The following BMP1 variants were observed in gnomAD, a reference collection of about 807,000 sequenced individuals.
The protein encoded by BMP1 is bone morphogenetic protein 1, also known as mammalian tolloid protein.
A neutral mutation model predicts 116.8 loss-of-function variants in BMP1; 63 were observed. The ratio of observed to expected loss-of-function variants is 0.54; its 90% confidence interval spans 0.44 to 0.67. The LOEUF is 0.67. Ranked by LOEUF, BMP1 falls within the 30% of genes least tolerant of loss-of-function variation. The pLI is 0.00. For synonymous variants in BMP1, 536 were observed against 533.4 expected (o/e 1.00, Z -0.07); for missense variants, 1,183 against 1,358.9 (o/e 0.87, Z 2.04).
chr8:22,168,150 T>C (rs1828170867), intron 1 of BMP1, among the ~76,000 whole-genome samples: 1 of 152,136 alleles, frequency 6.6e-6, no homozygotes, highest in African/African-American at 2.4e-5. Flanking sequence ...ATTAATATCC[T>C]TGATACCCTG....
Position 22,206,888 on chromosome 8 carries a change from T to A in BMP1, c.2268T>A (p.Gly756=), listed in dbSNP as rs1308154497. The A allele has an allele frequency of 1.2e-6, 2 of 1,614,066 alleles. No individual in the cohort carries two copies. Among genetic ancestry groups the A allele is most frequent in the South Asian group, 2.2e-5 (2 of 91,076 alleles). ...ACCACAAGGTGACATCCACCAGTGGTACCATCACCAGCCCCAACTGGCCTG... is the reference window on the plus strand; with the variant it reads ...ACCACAAGGTGACATCCACCAGTGGAACCATCACCAGCCCCAACTGGCCTG... ...GCDHKVTSTS[G]TITSPNWPDK... Residue 756 remains glycine (G), a synonymous_variant, in exon 17 of 20, where the codon GGT becomes GGA. Coordinates refer to ENST00000306385, the MANE Select transcript of BMP1 (RefSeq NM_006129.5).
intron 19 of BMP1, among the ~76,000 whole-genome samples, chr8:22,211,308 G>A (rs1435401099): frequency 6.6e-6 from 1 of 152,244 alleles, no homozygotes; most frequent in Non-Finnish European, 1.5e-5. Context: ...TTGTGGCTGA[G>A]GGAAGTGAGG....
intron 16 of BMP1, among the ~76,000 whole-genome samples, chr8:22,206,378 T>C (rs982300367): frequency 6.6e-6 from 1 of 152,006 alleles, no homozygotes; most frequent in Non-Finnish European, 1.5e-5. Context: ...GGCGCACGTC[T>C]GTAATCCAAG....
At chr8:22,172,836 T>C (rs1253957867) in intron 1 of BMP1, among the ~76,000 whole-genome samples, 1 of 151,996 alleles carries the variant, frequency 6.6e-6, no homozygotes, top group Non-Finnish European at 1.5e-5. Context: ...AGGCTGATCT[T>C]GAACTCCTGA....
intron 14 of BMP1, 65 bp from the exon 15 acceptor site, chr8:22,197,175 G>T (rs1409431280): frequency 1.9e-6 from 3 of 1,562,456 alleles, no homozygotes; most frequent in South Asian, 1.2e-5. Flanking sequence ...AGAGCTTCCC[G>T]AGGGCAGGAG....
chr8:22,205,770 A>ATTTTTG (rs986707635), intron 16 of BMP1, among the ~76,000 whole-genome samples: 2 of 152,128 alleles, frequency 1.3e-5, no homozygotes, highest in African/African-American at 4.8e-5. Flanking sequence ...GTGAGGACCC[A>ATTTTTG]TTTTTGTTTT....
chr8:22,177,135 G>C lies in BMP1; in HGVS notation c.726G>C (p.Gln242His). 1 of 1,603,706 alleles carries C rather than the reference G, an allele frequency of 6.2e-7. No individual in the cohort carries two copies. Among genetic ancestry groups the C allele is most frequent in the Non-Finnish European group, 8.5e-7 (1 of 1,173,652 alleles). The part of the protein sequence containing the change: ...RHVSIVRENI[Q>H]PGQEYNFLKM... Reference sequence around the variant, plus strand: ...TTTCCATCGTTCGTGAGAACATCCAGCCAGGTAGGTACCTGCCCCTCGGTG... The same window carrying C: ...TTTCCATCGTTCGTGAGAACATCCACCCAGGTAGGTACCTGCCCCTCGGTG... Residue 242 changes from glutamine (Q) to histidine (H), a missense_variant, in exon 5 of 20, where the codon CAG (glutamine) becomes CAC (histidine). Coordinates refer to ENST00000306385, the MANE Select transcript of BMP1 (RefSeq NM_006129.5).
Position 22,165,441 on chromosome 8 carries a change from G to T in BMP1, c.36G>T (p.Gly12=), listed in dbSNP as rs768336998. ...TGGCCCGCCTGCCGCTGCTGCTCGG[G>T]CTGCTGCTGCTCCCGCGTCCCGGCC... ...PGVARLPLLL[G]LLLLPRPGRP... The change falls in exon 1 of 20, where the codon GGG becomes GGT. Residue 12 remains glycine (G), a synonymous_variant. Coordinates refer to ENST00000306385, the MANE Select transcript of BMP1 (RefSeq NM_006129.5). 7 of 1,573,388 alleles carry T rather than the reference G, an allele frequency of 4.4e-6. No homozygotes were observed. The highest frequency in any genetic ancestry group is 2.5e-5 in the East Asian group (1 of 39,512).
intron 8 of BMP1, among the ~76,000 whole-genome samples, chr8:22,184,816 G>C (rs967300528): frequency 3.9e-4 from 60 of 152,338 alleles, no homozygotes; most frequent in African/African-American, 1.4e-3. Flanking sequence ...TTTGGTTCTA[G>C]GACTTTCTGA....
intron 1 of BMP1, among the ~76,000 whole-genome samples, chr8:22,167,676 G>A (rs968890938): frequency 6.6e-6 from 1 of 152,226 alleles, no homozygotes; most frequent in Non-Finnish European, 1.5e-5. Flanking sequence ...CTCCAACTGG[G>A]TGAAGTGAGG....
rs752335345 is a variant in BMP1 at position 22,201,162 on chromosome 8, C to T, written c.2108-641C>T. ...GCCCCCTCGGGGACGCCCCCACCAG[C>T]TCAAATTCCGAGTGCAGAAAAGAAA... On this transcript the variant is annotated intron_variant, in intron 15 of 19. Transcript: ENST00000306385. 5.0e-6 allele frequency: 8 copies of T among 1,613,278 alleles called. No individual in the cohort carries two copies. The South Asian group carries it at 8.8e-5, about 18-fold the overall frequency.
At chr8:22,201,952 T>C in intron 16 of BMP1, 24 bp downstream of exon 16, 1 of 1,599,256 alleles carries the variant, frequency 6.3e-7, no homozygotes, top group Non-Finnish European at 8.5e-7. Flanking sequence ...GCCAGGGGCA[T>C]CTGGGCTTGA....
At chr8:22,207,986 C>A (rs569537117) in intron 18 of BMP1, among the ~76,000 whole-genome samples, 4 of 152,042 alleles carry the variant, frequency 2.6e-5, no homozygotes, top group African/African-American at 4.8e-5. Flanking sequence ...TGGGTTCAAG[C>A]GATTCCCCTG....
chr8:22,178,374 C>G (rs1244177199), intron 6 of BMP1, among the ~76,000 whole-genome samples: 3 of 152,246 alleles, frequency 2.0e-5, no homozygotes, highest in Admixed American at 6.5e-5. Context: ...ACTGCAGCCT[C>G]AAACTCCTAG....
chr8:22,202,763 C>T (rs1829289925), intron 16 of BMP1, among the ~76,000 whole-genome samples: 1 of 152,170 alleles, frequency 6.6e-6, no homozygotes, highest in Non-Finnish European at 1.5e-5. Context: ...AATCCCAGCA[C>T]TTTGGGAGGC....
intron 7 of BMP1, 23 bp from the exon 8 acceptor site, chr8:22,180,345 C>G: frequency 6.3e-7 from 1 of 1,589,952 alleles, no homozygotes; most frequent in East Asian, 2.2e-5. Context: ...GCAGCCCTGC[C>G]CTGTCATTTC....
At chr8:22,171,943 T>C (rs1389554513) in intron 1 of BMP1, among the ~76,000 whole-genome samples, 1 of 152,200 alleles carries the variant, frequency 6.6e-6, no homozygotes, top group Non-Finnish European at 1.5e-5. Context: ...GCTGCTTTCA[T>C]GCGCAAGGAT....
At position 22,195,555 on chromosome 8, in the gene BMP1, A is replaced by T; in HGVS notation, c.1733A>T (p.Tyr578Phe). 3 of 1,612,486 alleles carry T rather than the reference A, an allele frequency of 1.9e-6. No individual in the cohort carries two copies. The highest frequency in any genetic ancestry group is 2.5e-6 in the Non-Finnish European group (3 of 1,179,758). The change falls in exon 13 of 20, where the codon TAC becomes TTC. Residue 578 changes from tyrosine to phenylalanine, a missense_variant. Physicochemically the swap from Tyr to Phe is conservative, Grantham distance 22 (BLOSUM62 3). Around this residue, in one of 4 missense-constraint regions of BMP1, gnomAD observed 956 missense variants for 1,135.2 expected, o/e 0.84. Transcript: ENST00000306385. ...GSYKCSCDPG[Y>F]ELAPDKRRCE... ...TACAAGTGCAGCTGTGACCCCGGGT[A>T]CGAGCTGGCCCCAGACAAGCGCCGC...
At chr8:22,188,408 G>A (rs899114406) in intron 8 of BMP1, among the ~76,000 whole-genome samples, 2 of 152,160 alleles carry the variant, frequency 1.3e-5, no homozygotes, top group Non-Finnish European at 1.5e-5. Flanking sequence ...GAGCTCAAGC[G>A]ATCCTTCCGC....
Sources: gnomAD v4.1 joint callset for allele counts (sites outside exome capture counted in the v4.1 genomes callset) on GRCh38, gnomAD v4.1.1 for gene constraint, gnomAD v4.1.1 regional missense constraint, MANE v1.5 for transcripts, NCBI Gene and HGNC (gene_info 2026-07-23, HGNC 2026-07-21) for gene names.